Variants in ZNF700 observed in about 807,000 individuals in gnomAD.
The protein encoded by ZNF700 is zinc finger protein 700.
A neutral mutation model predicts 65.3 loss-of-function variants in ZNF700; 38 were observed. That is an observed-to-expected ratio of 0.58 (90% CI 0.45 to 0.76). The LOEUF (loss-of-function observed/expected upper bound fraction) is 0.76. Among genes scored for constraint, ZNF700 ranks in the 30% least tolerant of loss-of-function variants. The pLI, the probability that ZNF700 is intolerant of heterozygous loss-of-function variation, is 0.00. For synonymous variants in ZNF700, 285 were observed against 290.4 expected, an observed-to-expected ratio of 0.98 and a Z score of 0.19; for missense variants, 857 against 888.4, an observed-to-expected ratio of 0.96 and a Z score of 0.45.
chr19:11,938,099 C>CA (rs1379780934), intron 1 of ZNF700, among the ~76,000 whole-genome samples: 1 of 151,940 alleles, frequency 6.6e-6, no homozygotes, highest in Non-Finnish European at 1.5e-5. Context: ...GACGGAGTCT[C>CA]ACTCTGTCAT....
intron 1 of ZNF700, among the ~76,000 whole-genome samples, chr19:11,926,000 A>G (rs1417955880): frequency 1.3e-5 from 2 of 152,162 alleles, no homozygotes; most frequent in Non-Finnish European, 2.9e-5. Flanking sequence ...AAGGGGGGTT[A>G]GAAGGCACAG....
At chr19:11,934,179 A>ATT (rs199944465) in intron 1 of ZNF700, among the ~76,000 whole-genome samples, 2 of 146,624 alleles carry the variant, frequency 1.4e-5, no homozygotes, top group Admixed American at 1.3e-4. Flanking sequence ...GACCTCATCT[A>ATT]TTTTTTTTTA....
chr19:11,943,150 A>T (rs553737888), intron 1 of ZNF700, among the ~76,000 whole-genome samples: 3 of 152,336 alleles, frequency 2.0e-5, no homozygotes, highest in African/African-American at 7.2e-5. Flanking sequence ...AAATCCTCCT[A>T]GTGCTGGAAA....
rs542710059 is a variant in ZNF700 at position 11,929,012 on chromosome 19, G to A, written c.63+3739G>A. Among the ~76,000 whole-genome samples the A allele has an allele frequency of 6.9e-4, 103 of 148,328 alleles. 2 individuals are homozygous for A. Among genetic ancestry groups the A allele is most frequent in the Non-Finnish European group, 1.0e-3 (70 of 67,894 alleles). The stretch of plus-strand genomic sequence containing the variant: ...AGTCATTTACAACATTTTACAAAAC[G>A]CTATAGGTAGGAAAGAAGGCGAATC... On this transcript the variant is annotated intron_variant, in intron 1 of 3. Coordinates refer to ENST00000254321, the MANE Select transcript of ZNF700 (RefSeq NM_144566.3).
At chr19:11,936,600 A>T (rs139143312) in intron 1 of ZNF700, among the ~76,000 whole-genome samples, 2,530 of 152,072 alleles carry the variant, frequency 0.017, 63 homozygotes, top group African/African-American at 0.058. Context: ...CGTTTGTTGG[A>T]TGGGTAGATT....
Position 11,947,162 on chromosome 19 carries a change from C to T in ZNF700, c.64-19C>T, listed in dbSNP as rs1972972463. On this transcript the variant is annotated intron_variant, in intron 1 of 3. Transcript: ENST00000254321. ...TGTCACTCTCACCCATCTTCCTCTA[C>T]ACATGTGAGATGTTTCAGGACCCAG... is the stretch of plus-strand genomic sequence containing the variant. 4 of 1,611,978 alleles carry T rather than the reference C, an allele frequency of 2.5e-6. No individual in the cohort carries two copies. Among genetic ancestry groups the T allele is most frequent in the Non-Finnish European group, 2.5e-6 (3 of 1,179,480 alleles).
chr19:11,949,352 A>T lies in ZNF700; in HGVS notation c.1328A>T (p.Glu443Val). 1 of 1,613,826 alleles carries T rather than the reference A, an allele frequency of 6.2e-7. No homozygotes were observed. ...LRVHGGTHTG[E>V]KPYECKECGK... ...GTGCACGGTGGGACTCACACTGGAG[A>T]GAAACCCTATGAATGTAAGGAATGT... Residue 443 changes from glutamate to valine, a missense_variant, in exon 4 of 4, where the codon GAG becomes GTG. Glu to Val is a moderately radical substitution (Grantham distance 121). This residue lies in a region of ZNF700 where 603 missense variants were observed against 619.9 expected (regional missense o/e 0.97). Transcript: ENST00000254321.
chr19:11,940,947 G>A (rs1056522098), intron 1 of ZNF700, among the ~76,000 whole-genome samples: 4 of 152,104 alleles, frequency 2.6e-5, no homozygotes, highest in Non-Finnish European at 5.9e-5. Flanking sequence ...TAGACACAGG[G>A]TGCTGATTGG....
In ZNF700 at chr19:11,948,664, G is replaced by T. The variant is rs753789198; in HGVS notation, c.640G>T (p.Val214Leu). ...CCATTCAAGCATTCGAAGACACATG[G>T]TAATGCACAGTGGGGATGGAACTTA... Reference protein sequence around the residue: ...IFHSSIRRHMVMHSGDGTYKC... With the variant: ...IFHSSIRRHMLMHSGDGTYKC... Residue 214 changes from valine to leucine, a missense_variant, in exon 4 of 4, where the codon GTA becomes TTA. Coordinates refer to ENST00000254321, the MANE Select transcript of ZNF700 (RefSeq NM_144566.3). 1.9e-6 allele frequency: 3 copies of T among 1,612,610 alleles called. No homozygotes were observed. The highest frequency in any genetic ancestry group is 3.4e-5 in the Admixed American group (2 of 59,482).
In ZNF700 at chr19:11,950,537, TA is replaced by T; in HGVS notation, c.*286del. 1 of 601,886 alleles carries T rather than the reference TA, an allele frequency of 1.7e-6. No individual in the cohort carries two copies. Among genetic ancestry groups the T allele is most frequent in the South Asian group, 1.6e-5 (1 of 61,528 alleles). 37.3% of individuals were successfully genotyped at this position (601,886 alleles called of 1,614,324 possible). ...ACACTGGAGTGAAACCCTATGAATG[TA>T]AGCAATGTGGGAAAGCCTTCAGATG... On this transcript the variant is annotated 3_prime_UTR_variant, in exon 4 of 4. Transcript: ENST00000254321.
rs753015391 is a variant in ZNF700, at chr19:11,949,334, G to T, written c.1310G>T (p.Gly437Val). The change falls in exon 4 of 4, where the codon GGT (glycine) becomes GTT (valine). Residue 437 changes from glycine to valine, a missense_variant. Transcript: ENST00000254321. Reference protein sequence around the residue: ...FRSASQLRVHGGTHTGEKPYE... With the variant: ...FRSASQLRVHVGTHTGEKPYE... Reference sequence around the variant, plus strand: ...TCTGCCTCACAGCTTCGAGTGCACGGTGGGACTCACACTGGAGAGAAACCC... The same window carrying T: ...TCTGCCTCACAGCTTCGAGTGCACGTTGGGACTCACACTGGAGAGAAACCC... The T allele has an allele frequency of 8.6e-5, 139 of 1,609,078 alleles. No individual in the cohort carries two copies. The highest frequency in any genetic ancestry group is 1.1e-4 in the Non-Finnish European group (133 of 1,178,300).
intron 1 of ZNF700, among the ~76,000 whole-genome samples, chr19:11,945,612 G>A (rs1481794030): frequency 3.9e-5 from 6 of 152,098 alleles, no homozygotes; most frequent in African/African-American, 1.4e-4. Flanking sequence ...TTGGTTGACT[G>A]CCAGCCCTGG....
chr19:11,949,128 G>A lies in ZNF700; in HGVS notation c.1104G>A (p.Gly368=), dbSNP rs764862193. 6.2e-7 allele frequency: 1 copy of A among 1,612,066 alleles called. No homozygotes were observed. Among genetic ancestry groups the A allele is most frequent in the East Asian group, 2.2e-5 (1 of 44,838 alleles). ...GERPYKCKIC[G]KGFYSAKSFQ... ...GACCTTATAAATGTAAGATATGTGG[G>A]AAAGGCTTTTATTCTGCCAAGTCAT... Residue 368 remains glycine, a synonymous_variant, in exon 4 of 4, where the codon GGG becomes GGA. Coordinates refer to ENST00000254321, the MANE Select transcript of ZNF700 (RefSeq NM_144566.3).
At chr19:11,943,392 G>A (rs1972914558) in intron 1 of ZNF700, among the ~76,000 whole-genome samples, 1 of 152,148 alleles carries the variant, frequency 6.6e-6, no homozygotes, top group Admixed American at 6.5e-5. Context: ...TTTCTTACCG[G>A]GCTAAAACAG....
At position 11,932,706 on chromosome 19, in the gene ZNF700, C is replaced by T. The variant is rs541821376; in HGVS notation, c.63+7433C>T. 5.0e-5 allele frequency among the ~76,000 whole-genome samples: 7 copies of T among 140,942 alleles called. 1 individual carries two copies. The highest frequency in any genetic ancestry group is 1.7e-4 in the African/African-American group (6 of 34,350). The allele number at this position is 140,942 out of a possible 152,430, so 92.5% of individuals were successfully genotyped here. ...AGGCTGGAGTGCAGTGGCGTGATCT[C>T]GGCTCACTGCAAGCTCCGCCTCCCG... On this transcript the variant is annotated intron_variant, in intron 1 of 3. Coordinates refer to ENST00000254321, the MANE Select transcript of ZNF700 (RefSeq NM_144566.3).
At chr19:11,942,819 A>G (rs1031268362) in intron 1 of ZNF700, among the ~76,000 whole-genome samples, 6 of 152,180 alleles carry the variant, frequency 3.9e-5, no homozygotes, top group African/African-American at 1.2e-4. Context: ...CTGTCTGACT[A>G]TTGATCTCAT....
At position 11,948,450 on chromosome 19, in the gene ZNF700, T is replaced by C. The variant is rs764642467; in HGVS notation, c.426T>C (p.Asn142=). 2 of 1,614,120 alleles carry C rather than the reference T, an allele frequency of 1.2e-6. No homozygotes were observed. Among genetic ancestry groups the C allele is most frequent in the Non-Finnish European group, 1.7e-6 (2 of 1,179,998 alleles). ...TTGGCATAGGTAACTCATCTTTTAA[T>C]ATGAGCATCAGAGGTGACACTGGAC... ...AEVGIGNSSF[N]MSIRGDTGHK... Residue 142 remains asparagine (N), a synonymous_variant, in exon 4 of 4, where the codon AAT becomes AAC. Transcript: ENST00000254321.
rs1454676196 is a variant in ZNF700, at chr19:11,950,195, G to A, written c.2171G>A (p.Arg724Lys). 1 of 1,613,638 alleles carries A rather than the reference G, an allele frequency of 6.2e-7. No individual in the cohort carries two copies. The highest frequency in any genetic ancestry group is 1.3e-5 in the African/African-American group (1 of 74,886). The stretch of plus-strand genomic sequence containing the variant: ...TTTTCTTCCTTGCATATACACGCAA[G>A]GACTCATATGGGAGAGAAGCCATAT... ...NYFSSLHIHA[R>K]THMGEKPYEC... Residue 724 changes from arginine to lysine, a missense_variant, in exon 4 of 4, where the codon AGG (arginine) becomes AAG (lysine). Arg to Lys is a conservative substitution (Grantham distance 26, BLOSUM62 2). Transcript: ENST00000254321.
intron 1 of ZNF700, among the ~76,000 whole-genome samples, chr19:11,942,451 C>G (rs1170848741): frequency 6.6e-6 from 1 of 152,118 alleles, no homozygotes; most frequent in Non-Finnish European, 1.5e-5. Flanking sequence ...TCGTTTTTCT[C>G]CCTGGATTTG....
Sources: allele counts gnomAD v4.1 joint callset (sites outside exome capture counted in the v4.1 genomes callset), GRCh38; gene constraint gnomAD v4.1.1; regional missense constraint gnomAD v4.1.1; transcripts MANE v1.5; gene names NCBI Gene and HGNC (gene_info 2026-07-23, HGNC 2026-07-21).